SEMA6D: variants seen among roughly 807,000 people sequenced by gnomAD.
SEMA6D encodes semaphorin 6D, also known as semaphorin-6D.
Under a neutral mutation model 106.6 loss-of-function variants are expected in SEMA6D, and 35 were observed. That is an observed-to-expected ratio of 0.33 (90% CI 0.25 to 0.44). SEMA6D has a LOEUF of 0.44. Among genes scored for constraint, SEMA6D ranks in the 20% least tolerant of loss-of-function variants. The probability of loss-of-function intolerance (pLI) is 1.00; values close to 1 mark genes in which losing one functional copy is unlikely to be tolerated. For missense variants in SEMA6D, 1,185 were observed against 1,345.9 expected (o/e 0.88, Z 1.87); for synonymous variants, 499 against 487.7 (o/e 1.02, Z -0.31).
intron 4 of SEMA6D, among the ~76,000 whole-genome samples, chr15:47,675,279 A>G (rs2078220082): frequency 6.6e-6 from 1 of 152,198 alleles, no homozygotes; most frequent in African/African-American, 2.4e-5. Flanking sequence ...GGACCTCAGA[A>G]TGTGACCATA....
intron 1 of SEMA6D, among the ~76,000 whole-genome samples, chr15:47,202,006 A>G (rs13313471): frequency 0.021 from 3,148 of 152,038 alleles, 116 homozygotes; most frequent in African/African-American, 0.073. Flanking sequence ...ACAAGCCCCA[A>G]AATAAAAGCT....
chr15:47,422,417 G>T (rs111636732), intron 2 of SEMA6D, among the ~76,000 whole-genome samples: 21 of 152,084 alleles, frequency 1.4e-4, no homozygotes, highest in Non-Finnish European at 3.1e-4. Flanking sequence ...TTTCAAAACA[G>T]TTGGGTATTC....
At chr15:47,348,646 AC>A (rs1164315127) in intron 1 of SEMA6D, among the ~76,000 whole-genome samples, 1 of 148,580 alleles carries the variant, frequency 6.7e-6, no homozygotes, top group African/African-American at 2.5e-5. Context: ...ATTTCATGAA[AC>A]CAGGCCACCT....
intron 1 of SEMA6D, among the ~76,000 whole-genome samples, chr15:47,408,172 T>A (rs1004322321): frequency 1.7e-4 from 26 of 152,160 alleles, no homozygotes; most frequent in African/African-American, 5.8e-4. Context: ...CCTTGGCATG[T>A]TCTGGCATCC....
chr15:47,491,735 A>T (rs539242560), intron 3 of SEMA6D, among the ~76,000 whole-genome samples: 1 of 152,304 alleles, frequency 6.6e-6, no homozygotes, highest in East Asian at 1.9e-4. Context: ...AAGTCAATTA[A>T]CTTGAGAATA....
At chr15:47,306,217 T>A in intron 1 of SEMA6D, among the ~76,000 whole-genome samples, 1 of 151,948 alleles carries the variant, frequency 6.6e-6, no homozygotes, top group East Asian at 2.0e-4. Flanking sequence ...TGTCTTGACC[T>A]TGTGATCTGC....
intron 1 of SEMA6D, among the ~76,000 whole-genome samples, chr15:47,402,916 A>C (rs281311): frequency 0.2 from 30,836 of 152,166 alleles, 3,368 homozygotes; most frequent in South Asian, 0.32. Context: ...TCCATCATAG[A>C]GTAATGGATA....
chr15:47,586,257 G>A (rs1046377716), intron 3 of SEMA6D, among the ~76,000 whole-genome samples: 1 of 152,120 alleles, frequency 6.6e-6, no homozygotes, highest in South Asian at 2.1e-4. Flanking sequence ...ACAGTGCTTA[G>A]CAGGCAACGG....
intron 3 of SEMA6D, among the ~76,000 whole-genome samples, chr15:47,552,809 TATATATAA>T (rs1225335045): frequency 4.3e-5 from 1 of 23,238 alleles, no homozygotes; most frequent in East Asian, 3.0e-3. Context: ...TATATAAAAA[TATATATAA>T]ATATATATAT....
intron 3 of SEMA6D, among the ~76,000 whole-genome samples, chr15:47,541,284 A>G (rs2045345303): frequency 6.6e-6 from 1 of 152,352 alleles, no homozygotes; most frequent in East Asian, 1.9e-4. Flanking sequence ...ACACTAAAAA[A>G]TCAACACTGT....
At chr15:47,295,277 A>G (rs910158469) in intron 1 of SEMA6D, among the ~76,000 whole-genome samples, 2 of 152,258 alleles carry the variant, frequency 1.3e-5, no homozygotes, top group African/African-American at 2.4e-5. Context: ...CTCATGTATT[A>G]GAAGTTATTT....
chr15:47,630,389 GT>G (rs530312729), intron 4 of SEMA6D, among the ~76,000 whole-genome samples: 49 of 151,848 alleles, frequency 3.2e-4, no homozygotes, highest in Non-Finnish European at 5.6e-4. Flanking sequence ...ATAATACTGT[GT>G]TTTTATTTTT....
intron 1 of SEMA6D, among the ~76,000 whole-genome samples, chr15:47,388,253 T>G (rs1227117661): frequency 6.6e-6 from 1 of 152,216 alleles, no homozygotes; most frequent in African/African-American, 2.4e-5. Flanking sequence ...GTTTTTATAT[T>G]GATATTCTTT....
intron 4 of SEMA6D, among the ~76,000 whole-genome samples, chr15:47,638,220 C>T (rs2077426064): frequency 6.6e-6 from 1 of 152,074 alleles, no homozygotes; most frequent in African/African-American, 2.4e-5. Flanking sequence ...TGTGATGATG[C>T]TGTCCAATTT....
chr15:47,233,924 T>A (rs940527306), intron 1 of SEMA6D, among the ~76,000 whole-genome samples: 2 of 152,016 alleles, frequency 1.3e-5, no homozygotes, highest in South Asian at 4.1e-4. Context: ...TCTTGTCTTA[T>A]TGCATTAGCT....
chr15:47,243,298 C>A (rs1459361245), intron 1 of SEMA6D, among the ~76,000 whole-genome samples: 1 of 151,968 alleles, frequency 6.6e-6, no homozygotes, highest in East Asian at 1.9e-4. Flanking sequence ...TAGCATCAAC[C>A]CATGAACTGG....
intron 1 of SEMA6D, among the ~76,000 whole-genome samples, chr15:47,724,727 T>A (rs1413841981): frequency 6.6e-6 from 1 of 152,208 alleles, no homozygotes; most frequent in Non-Finnish European, 1.5e-5. Flanking sequence ...GAAGAGGCAG[T>A]TTGCCATGCA....
intron 1 of SEMA6D, among the ~76,000 whole-genome samples, chr15:47,298,441 A>G (rs894363916): frequency 2.0e-5 from 3 of 152,106 alleles, no homozygotes; most frequent in African/African-American, 4.8e-5. Context: ...GCATGAGTCT[A>G]CCTACAGGAA....
chr15:47,629,848 A>G (rs1017057324), intron 4 of SEMA6D, among the ~76,000 whole-genome samples: 2 of 151,818 alleles, frequency 1.3e-5, no homozygotes, highest in Non-Finnish European at 3.0e-5. Flanking sequence ...GTGACCACCA[A>G]TGCTATTCAT....
Sources: allele counts gnomAD v4.1 joint callset (sites outside exome capture counted in the v4.1 genomes callset), GRCh38; gene constraint gnomAD v4.1.1; transcripts MANE v1.5; gene names NCBI Gene and HGNC (gene_info 2026-07-23, HGNC 2026-07-21).